RASAL2: variants seen among roughly 807,000 people sequenced by gnomAD.
RASAL2 encodes the protein ras GTPase-activating protein nGAP.
Under a neutral mutation model 128.9 loss-of-function variants are expected in RASAL2, and 58 were observed. That is an observed-to-expected ratio of 0.45 (90% CI 0.36 to 0.56). RASAL2 has a LOEUF of 0.56. Ranked by LOEUF, RASAL2 falls within the 20% of genes least tolerant of loss-of-function variation. The pLI, the probability that RASAL2 is intolerant of heterozygous loss-of-function variation, is 0.00. For missense variants in RASAL2, 1,360 were observed against 1,601.6 expected, an observed-to-expected ratio of 0.85 and a Z score of 2.57; for synonymous variants, 561 against 580.8, an observed-to-expected ratio of 0.97 and a Z score of 0.49.
At chr1:178,151,597 A>G (rs951559326) in intron 1 of RASAL2, among the ~76,000 whole-genome samples, 4 of 152,162 alleles carry the variant, frequency 2.6e-5, no homozygotes, top group Admixed American at 6.5e-5. Flanking sequence ...ATAACTATTG[A>G]TAATAACCAG....
rs1677888361 is a variant in RASAL2, at chr1:178,457,862, A to G, written c.2570A>G (p.His857Arg). The G allele has an allele frequency of 6.2e-7, 1 of 1,614,182 alleles. No individual in the cohort carries two copies. Among genetic ancestry groups the G allele is most frequent in the Non-Finnish European group, 8.5e-7 (1 of 1,180,036 alleles). ...TCCCTCATGGACCTCCAGGACACTC[A>G]TGCTGCTCAAGTGGAGCATGCATCT... ...SVSLMDLQDT[H>R]AAQVEHASVM... The change falls in exon 14 of 18, where the codon CAT becomes CGT. Residue 857 changes from histidine to arginine, a missense_variant. Physicochemically the swap from His to Arg is conservative, Grantham distance 29. Transcript: ENST00000367649.
At chr1:178,186,252 A>G (rs1347437486) in intron 1 of RASAL2, among the ~76,000 whole-genome samples, 1 of 151,332 alleles carries the variant, frequency 6.6e-6, no homozygotes. Context: ...GATACTGACA[A>G]TTTATCTTCT....
rs759332158 is a variant in RASAL2, at chr1:178,094,627, C to T, written c.135C>T (p.Ala45=). Reference sequence around the variant, plus strand: ...TTGTCCCAGTCAGTGGAGCCGTCGCCGGTGGCATGTTGGATCGGATCCTTC... The same window carrying T: ...TTGTCCCAGTCAGTGGAGCCGTCGCTGGTGGCATGTTGGATCGGATCCTTC... ...DAVVPVSGAV[A]GGMLDRILLE... The change falls in exon 1 of 18, where the codon GCC becomes GCT. Residue 45 remains alanine, a synonymous_variant. Transcript: ENST00000367649. 2 of 1,613,790 alleles carry T rather than the reference C, an allele frequency of 1.2e-6. No individual in the cohort carries two copies. Among genetic ancestry groups the T allele is most frequent in the East Asian group, 2.2e-5 (1 of 44,880 alleles).
chr1:178,304,072 T>C (rs1000607992), intron 3 of RASAL2, among the ~76,000 whole-genome samples: 3 of 152,184 alleles, frequency 2.0e-5, no homozygotes, highest in Non-Finnish European at 4.4e-5. Context: ...ATGTGTGTTA[T>C]ACTTAAAGAA....
At position 178,440,437 on chromosome 1, in the gene RASAL2, A is replaced by T. The variant is rs903031509; in HGVS notation, c.828+862A>T. Among the ~76,000 whole-genome samples the T allele has an allele frequency of 4.6e-5, 7 of 151,816 alleles. No homozygotes were observed. The East Asian group carries it at 5.8e-4, about 13-fold the overall frequency. ...CAGAGAAATTGTTTCCTTTTTTTTTAAAACTAAGTCTTCAAAATCTGATGT... is the reference window on the plus strand; with the variant it reads ...CAGAGAAATTGTTTCCTTTTTTTTTTAAACTAAGTCTTCAAAATCTGATGT... On this transcript the variant is annotated intron_variant, in intron 6 of 17. Transcript: ENST00000367649.
chr1:178,360,859 A>G (rs1395252626), intron 3 of RASAL2, among the ~76,000 whole-genome samples: 1 of 152,204 alleles, frequency 6.6e-6, no homozygotes, highest in Admixed American at 6.5e-5. Context: ...GTGGGAAGAA[A>G]ATAATAGAGT....
intron 1 of RASAL2, among the ~76,000 whole-genome samples, chr1:178,229,102 C>A (rs906836539): frequency 6.6e-5 from 10 of 152,104 alleles, no homozygotes; most frequent in African/African-American, 2.2e-4. Context: ...ATTTTATCTA[C>A]CTTTATATGC....
At chr1:178,314,595 C>T (rs897099244) in intron 3 of RASAL2, among the ~76,000 whole-genome samples, 2 of 138,782 alleles carry the variant, frequency 1.4e-5, no homozygotes, top group African/African-American at 6.9e-5. Flanking sequence ...CTCTTTTTCC[C>T]CCAAAATATT....
At chr1:178,176,162 T>C (rs1661883052) in intron 1 of RASAL2, among the ~76,000 whole-genome samples, 1 of 152,160 alleles carries the variant, frequency 6.6e-6, no homozygotes, top group Admixed American at 6.5e-5. Context: ...TACTACTAAT[T>C]TACATTCCAA....
chr1:178,310,581 A>AT (rs1228050151), intron 3 of RASAL2, among the ~76,000 whole-genome samples: 2 of 152,028 alleles, frequency 1.3e-5, no homozygotes, highest in East Asian at 1.9e-4. Context: ...TAGCAGTAAC[A>AT]TTTTTTTTCG....
At chr1:178,193,336 C>T (rs1415209584) in intron 1 of RASAL2, among the ~76,000 whole-genome samples, 1 of 152,150 alleles carries the variant, frequency 6.6e-6, no homozygotes, top group East Asian at 1.9e-4. Flanking sequence ...AACAAACTGT[C>T]TTTTCTGCCC....
At chr1:178,434,965 T>C (rs1676159635) in intron 5 of RASAL2, among the ~76,000 whole-genome samples, 1 of 151,978 alleles carries the variant, frequency 6.6e-6, no homozygotes, top group East Asian at 1.9e-4. Flanking sequence ...AACTTGCTGG[T>C]AGAGTATTAG....
At chr1:178,417,969 C>T (rs1674879415) in intron 4 of RASAL2, among the ~76,000 whole-genome samples, 1 of 152,032 alleles carries the variant, frequency 6.6e-6, no homozygotes, top group Admixed American at 6.6e-5. Flanking sequence ...GCCTGGTTTG[C>T]TAGCTACATT....
intron 1 of RASAL2, among the ~76,000 whole-genome samples, chr1:178,136,524 G>A (rs1660328787): frequency 6.6e-6 from 1 of 152,018 alleles, no homozygotes; most frequent in Non-Finnish European, 1.5e-5. Flanking sequence ...GGGAGGCTGA[G>A]GCAGGAGGAT....
intron 1 of RASAL2, among the ~76,000 whole-genome samples, chr1:178,120,529 A>G (rs181129833): frequency 3.3e-5 from 5 of 152,304 alleles, no homozygotes; most frequent in East Asian, 1.9e-4. Flanking sequence ...AAAGCCTTCC[A>G]CCAGATGCGG....
chr1:178,175,853 C>G (rs1661868319), intron 1 of RASAL2, among the ~76,000 whole-genome samples: 1 of 152,066 alleles, frequency 6.6e-6, no homozygotes, highest in Admixed American at 6.6e-5. Context: ...CCAGTTTCAT[C>G]CAAGTTGTTG....
At chr1:178,266,638 G>A (rs1390495654) in intron 1 of RASAL2, among the ~76,000 whole-genome samples, 1 of 152,174 alleles carries the variant, frequency 6.6e-6, no homozygotes, top group African/African-American at 2.4e-5. Flanking sequence ...AAGCTACCCT[G>A]TACAGAGACA....
At chr1:178,195,694 T>C (rs1662635938) in intron 1 of RASAL2, among the ~76,000 whole-genome samples, 1 of 152,166 alleles carries the variant, frequency 6.6e-6, no homozygotes, top group Non-Finnish European at 1.5e-5. Context: ...AATACTGCTA[T>C]AGAAGATGAA....
chr1:178,445,387 T>A, intron 8 of RASAL2, 131 bp from the exon 9 acceptor site: 1 of 1,089,794 alleles, frequency 9.2e-7, no homozygotes, highest in Non-Finnish European at 1.3e-6. Flanking sequence ...ATTGCTTTTT[T>A]TCCTTTCAGA....
Sources: allele counts gnomAD v4.1 joint callset (sites outside exome capture counted in the v4.1 genomes callset), GRCh38; gene constraint gnomAD v4.1.1; transcripts MANE v1.5; gene names NCBI Gene and HGNC (gene_info 2026-07-23, HGNC 2026-07-21).